Variants in IQSEC1 observed in about 807,000 individuals in gnomAD.
IQSEC1 encodes IQ motif and SEC7 domain-containing protein 1.
In IQSEC1, 31 loss-of-function variants were observed where a neutral mutation model predicts 91.0. The ratio of observed to expected loss-of-function variants is 0.34; its 90% CI spans 0.26 to 0.46. IQSEC1 has a LOEUF of 0.46. IQSEC1 is among the 20% of genes least tolerant of loss of function. The probability of loss-of-function intolerance (pLI) is 1.00; values close to 1 mark genes in which losing one functional copy is unlikely to be tolerated. For synonymous variants in IQSEC1, 699 were observed against 662.6 expected (o/e 1.05, Z -0.84); for missense variants, 1,388 against 1,575.6 (o/e 0.88, Z 2.02).
In IQSEC1 at chr3:12,909,490, A is replaced by G. The variant is rs542266291; in HGVS notation, c.2417-56T>C. On this transcript the variant is annotated intron_variant, in intron 10 of 13. Coordinates refer to ENST00000613206, the MANE Select transcript of IQSEC1 (RefSeq NM_001134382.3). The surrounding 1 kb of genome is among the most constrained non-coding windows in gnomAD (Gnocchi z 4.9). ...CACGGGTCTCAGTGTGTTCTCTGCAATCTCCTCTCTGGTCAGGAAACAATG... is the reference window on the plus strand; with the variant it reads ...CACGGGTCTCAGTGTGTTCTCTGCAGTCTCCTCTCTGGTCAGGAAACAATG... 9.8e-6 allele frequency: 15 copies of G among 1,526,246 alleles called. No individual in the cohort carries two copies. The highest frequency in any genetic ancestry group is 4.5e-5 in the East Asian group (2 of 44,338). 94.5% of individuals were successfully genotyped at this position (1,526,246 alleles called of 1,614,324 possible).
At chr3:13,142,093 T>G (rs986153920) in intron 2 of IQSEC1, among the ~76,000 whole-genome samples, 1 of 152,254 alleles carries the variant, frequency 6.6e-6, no homozygotes, top group African/African-American at 2.4e-5. Context: ...TGTGTGATCC[T>G]GGATTCAGCT....
intron 1 of IQSEC1, among the ~76,000 whole-genome samples, chr3:13,235,378 G>A (rs1156610476): frequency 2.0e-5 from 3 of 152,198 alleles, no homozygotes; most frequent in African/African-American, 7.2e-5. Context: ...TGCTGGCCCC[G>A]GGGGACCTGC....
At chr3:13,255,618 T>C (rs949206616) in intron 1 of IQSEC1, among the ~76,000 whole-genome samples, 1 of 146,240 alleles carries the variant, frequency 6.8e-6, no homozygotes, top group African/African-American at 2.6e-5. Flanking sequence ...TGTTTTGGGG[T>C]TTTTTTTTTG....
intron 1 of IQSEC1, among the ~76,000 whole-genome samples, chr3:13,237,717 T>A (rs1272445983): frequency 1.3e-5 from 2 of 152,208 alleles, no homozygotes; most frequent in Non-Finnish European, 2.9e-5. Context: ...CCGCGGTCGG[T>A]TTCCTCCTCT....
At chr3:13,080,272 A>G (rs1371984270) in intron 2 of IQSEC1, among the ~76,000 whole-genome samples, 2 of 151,912 alleles carry the variant, frequency 1.3e-5, no homozygotes, top group Non-Finnish European at 2.9e-5. Context: ...TGGAGGGAAG[A>G]GGTGGAGGCC....
At chr3:13,277,136 A>C (rs972277021) in intron 1 of IQSEC1, among the ~76,000 whole-genome samples, 14 of 127,198 alleles carry the variant, frequency 1.1e-4, no homozygotes, top group Middle Eastern at 3.8e-3. Flanking sequence ...AAAAAAAAAA[A>C]ACAGAAAACA....
chr3:13,249,287 T>C (rs1695156554), intron 1 of IQSEC1, among the ~76,000 whole-genome samples: 1 of 150,776 alleles, frequency 6.6e-6, no homozygotes, highest in Non-Finnish European at 1.5e-5. Context: ...TTCTCCTGCC[T>C]TAGCCTCCTG....
intron 5 of IQSEC1, 109 bp from the exon 6 acceptor site, chr3:12,920,705 G>A: frequency 8.5e-7 from 1 of 1,177,102 alleles, no homozygotes; most frequent in Non-Finnish European, 1.2e-6. Flanking sequence ...CCTGCTTCTG[G>A]TGAGCGAGGA....
At chr3:13,097,365 G>A (rs360752) in intron 2 of IQSEC1, among the ~76,000 whole-genome samples, 16,382 of 152,114 alleles carry the variant, frequency 0.11, 1,055 homozygotes, top group African/African-American at 0.18. Flanking sequence ...ACGTGGCTCT[G>A]GTCCCCTCCA....
intron 1 of IQSEC1, among the ~76,000 whole-genome samples, chr3:12,978,791 TAGAC>T (rs1441208726): frequency 6.6e-6 from 1 of 152,162 alleles, no homozygotes. Context: ...AGCAACCTGG[TAGAC>T]AGGCAGGAAT....
At chr3:12,987,053 C>A (rs1389456029) in intron 1 of IQSEC1, 1 of 422,982 alleles carries the variant, frequency 2.4e-6, no homozygotes, top group South Asian at 1.7e-5. Context: ...CTGCTGCCCA[C>A]ACAGATGAGC....
At chr3:13,151,792 C>T (rs1226757970) in intron 2 of IQSEC1, among the ~76,000 whole-genome samples, 1 of 152,084 alleles carries the variant, frequency 6.6e-6, no homozygotes, top group African/African-American at 2.4e-5. Context: ...ATGGTGAAAC[C>T]CTGTCTCTAC....
At chr3:12,996,226 T>C (rs1207650941) in intron 1 of IQSEC1, among the ~76,000 whole-genome samples, 2 of 152,168 alleles carry the variant, frequency 1.3e-5, no homozygotes. Context: ...TTTTAATATT[T>C]AAAAATGCAG....
intron 1 of IQSEC1, among the ~76,000 whole-genome samples, chr3:13,187,593 T>G (rs899655300): frequency 6.6e-6 from 1 of 152,206 alleles, no homozygotes; most frequent in African/African-American, 2.4e-5. Flanking sequence ...CACTGCTGTA[T>G]CCCAGGACCT....
At chr3:12,973,824 G>A (rs918184066) in intron 1 of IQSEC1, among the ~76,000 whole-genome samples, 2 of 152,084 alleles carry the variant, frequency 1.3e-5, no homozygotes, top group African/African-American at 2.4e-5. Flanking sequence ...TTGTTCAGAT[G>A]AGGCAGCTGA....
chr3:13,108,892 G>A (rs564623868), intron 2 of IQSEC1, among the ~76,000 whole-genome samples: 3 of 152,366 alleles, frequency 2.0e-5, no homozygotes, highest in African/African-American at 7.2e-5. Context: ...GGACCTGCAG[G>A]TCATGGCCCC....
chr3:12,910,113 C>T (rs559607033), intron 10 of IQSEC1, among the ~76,000 whole-genome samples: 1 of 152,338 alleles, frequency 6.6e-6, no homozygotes, highest in East Asian at 1.9e-4. Context: ...CCTAGTGACA[C>T]CAAACCTTCT....
intron 1 of IQSEC1, among the ~76,000 whole-genome samples, chr3:13,025,690 T>C (rs1703585884): frequency 6.6e-6 from 1 of 152,166 alleles, no homozygotes; most frequent in Non-Finnish European, 1.5e-5. Context: ...GTTCCACATC[T>C]CTCATCCACA....
chr3:13,232,703 G>A (rs1694858315), intron 1 of IQSEC1, among the ~76,000 whole-genome samples: 1 of 152,158 alleles, frequency 6.6e-6, no homozygotes, highest in Admixed American at 6.5e-5. Flanking sequence ...ATAAAATTAT[G>A]TATTAAATAT....
Sources: gnomAD v4.1 joint callset for allele counts (sites outside exome capture counted in the v4.1 genomes callset) on GRCh38, gnomAD v4.1.1 for gene constraint, Gnocchi (gnomAD v3.1) non-coding constraint, MANE v1.5 for transcripts, NCBI Gene and HGNC (gene_info 2026-07-23, HGNC 2026-07-21) for gene names.